DNA2: variants seen among roughly 807,000 people sequenced by gnomAD.
DNA2 encodes DNA replication ATP-dependent helicase/nuclease DNA2.
Under a neutral mutation model 119.1 loss-of-function variants are expected in DNA2, and 101 were observed. That is an observed-to-expected ratio of 0.85 (90% CI 0.72 to 1.00). The LOEUF (loss-of-function observed/expected upper bound fraction) is 1.00, where lower values mean the gene tolerates loss of function less well. Ranked by LOEUF, DNA2 falls within the 50% of genes least tolerant of loss-of-function variation. The pLI is 0.00. For synonymous variants in DNA2, 366 were observed against 424.4 expected, an observed-to-expected ratio of 0.86 and a Z score of 1.69; for missense variants, 1,121 against 1,255.5, an observed-to-expected ratio of 0.89 and a Z score of 1.62.
intron 19 of DNA2, among the ~76,000 whole-genome samples, chr10:68,417,256 G>C (rs2051601484): frequency 6.6e-6 from 1 of 151,398 alleles, no homozygotes; most frequent in African/African-American, 2.4e-5. Flanking sequence ...AAAAAAAGGA[G>C]ACTATCTGAG....
chr10:68,437,814 G>A (rs956200713), intron 9 of DNA2, among the ~76,000 whole-genome samples: 1 of 151,960 alleles, frequency 6.6e-6, no homozygotes, highest in Non-Finnish European at 1.5e-5. Context: ...CTGTTCAAGC[G>A]ATTCTCATGC....
intron 1 of DNA2, among the ~76,000 whole-genome samples, chr10:68,471,187 G>C (rs966457503): frequency 2.6e-5 from 4 of 152,096 alleles, no homozygotes; most frequent in Non-Finnish European, 4.4e-5. Flanking sequence ...TTTGTTACCT[G>C]ACCGTAGGTT....
chr10:68,418,572 A>T (rs1423793725), intron 19 of DNA2, among the ~76,000 whole-genome samples: 1 of 150,742 alleles, frequency 6.6e-6, no homozygotes, highest in East Asian at 1.9e-4. Flanking sequence ...CTGTTGACCC[A>T]TCCACCAGGT....
chr10:68,451,793 GT>G, intron 5 of DNA2, among the ~76,000 whole-genome samples: 1 of 148,684 alleles, frequency 6.7e-6, no homozygotes, highest in South Asian at 2.1e-4. Flanking sequence ...CTTTTGCCAT[GT>G]TGTCCTGGCT....
chr10:68,468,301 G>A lies in DNA2; in HGVS notation c.263C>T (p.Ser88Phe), dbSNP rs1315394617. Residue 88 changes from serine to phenylalanine, a missense_variant, in exon 3 of 21, where the codon TCT becomes TTT. Transcript: ENST00000358410. The part of the protein sequence containing the change: ...ELCILRNDWC[S>F]VPVEPGDIIH... ...GATATCTCCTGGCTCTACTGGAACAGAACACCTGAAAATAAAGCAAAGTTA... is the reference window on the plus strand; with the variant it reads ...GATATCTCCTGGCTCTACTGGAACAAAACACCTGAAAATAAAGCAAAGTTA... 7 of 1,567,332 alleles carry A rather than the reference G, an allele frequency of 4.5e-6. No individual in the cohort carries two copies. In the Admixed American group the frequency reaches 1.1e-4, roughly 25 times the overall value.
rs2052386541 is a variant in DNA2, at chr10:68,471,894, A to T, written c.-30T>A. ...GACGCGGGGATCGCAAACTGTAGACAGAAAAGACAGCGGAACCGGGGGTAA... is the reference window on the plus strand; with the variant it reads ...GACGCGGGGATCGCAAACTGTAGACTGAAAAGACAGCGGAACCGGGGGTAA... On this transcript the variant is annotated 5_prime_UTR_variant, in exon 1 of 21. Coordinates refer to ENST00000358410, the MANE Select transcript of DNA2 (RefSeq NM_001080449.3). The T allele has an allele frequency of 6.2e-7, 1 of 1,613,954 alleles. No individual in the cohort carries two copies.
chr10:68,426,877 G>T (rs2051748933), intron 14 of DNA2, among the ~76,000 whole-genome samples: 1 of 152,030 alleles, frequency 6.6e-6, no homozygotes, highest in African/African-American at 2.4e-5. Context: ...ACTATCTTTT[G>T]TTCTGCATAA....
intron 7 of DNA2, 45 bp from the exon 8 acceptor site, chr10:68,445,128 T>G (rs778159658): frequency 2.7e-5 from 41 of 1,514,270 alleles, no homozygotes; most frequent in Non-Finnish European, 2.6e-5. Context: ...TAAATAAAGT[T>G]TATCATGTCT....
chr10:68,442,041 T>C (rs1389329656), intron 9 of DNA2, among the ~76,000 whole-genome samples: 1 of 150,994 alleles, frequency 6.6e-6, no homozygotes, highest in Non-Finnish European at 1.5e-5. Context: ...TCCTCCCACC[T>C]CATCCTGGGA....
chr10:68,445,418 G>A lies in DNA2; in HGVS notation c.1058-335C>T, dbSNP rs193159054. On this transcript the variant is annotated intron_variant, in intron 7 of 20. Transcript: ENST00000358410. ...GCGGAGATTGCAGGGAGCTGAGATC[G>A]CATCATTGCACTCCAGCCTGGGTAA... Among the ~76,000 whole-genome samples, 247 of 152,156 alleles carry A rather than the reference G, an allele frequency of 1.6e-3. 2 individuals carry two copies. The highest frequency in any genetic ancestry group is 0.014 in the Admixed American group (210 of 15,260).
intron 16 of DNA2, 27 bp downstream of exon 16, chr10:68,422,488 A>G: frequency 6.2e-7 from 1 of 1,612,672 alleles, no homozygotes; most frequent in South Asian, 1.1e-5. Context: ...CATGAAAACC[A>G]CTCCTAGCTA....
chr10:68,464,836 A>G (rs1178247070), intron 4 of DNA2, among the ~76,000 whole-genome samples: 2 of 109,212 alleles, frequency 1.8e-5, no homozygotes, highest in Non-Finnish European at 3.8e-5. Flanking sequence ...CCTCAAAAAA[A>G]AAAAAAAAAA....
At position 68,419,112 on chromosome 10, in the gene DNA2, A is replaced by G. The variant is rs1292192907; in HGVS notation, c.2889T>C (p.Val963=). The G allele has an allele frequency of 2.5e-6, 4 of 1,613,376 alleles. No homozygotes were observed. In the East Asian group the frequency reaches 8.9e-5, roughly 36 times the overall value. ...TTCCTTGGTATTTGTCTACTGTATT[A>G]ACTTCGACCATCCCAATAGAACGTG... ...LLARSIGMVE[V]NTVDKYQGRD... The change falls in exon 19 of 21, where the codon GTT becomes GTC. Residue 963 remains valine, a synonymous_variant. Coordinates refer to ENST00000358410, the MANE Select transcript of DNA2 (RefSeq NM_001080449.3).
At chr10:68,436,878 G>C in intron 10 of DNA2, 133 bp downstream of exon 10, 2 of 674,088 alleles carry the variant, frequency 3.0e-6, no homozygotes, top group South Asian at 4.2e-5. Context: ...ACTCAAAGTT[G>C]ATTGTGGTGA....
chr10:68,460,570 G>A (rs2052244252), intron 4 of DNA2, among the ~76,000 whole-genome samples: 1 of 150,396 alleles, frequency 6.6e-6, no homozygotes, highest in Non-Finnish European at 1.5e-5. Flanking sequence ...ACCACGCCCA[G>A]CTAATTTTTG....
chr10:68,423,350 G>A (rs1027372226), intron 14 of DNA2, among the ~76,000 whole-genome samples: 2 of 151,800 alleles, frequency 1.3e-5, no homozygotes, highest in Non-Finnish European at 2.9e-5. Context: ...AGGGAGCTCA[G>A]GACCAAAGAA....
At chr10:68,427,680 CAT>C (rs1264345033) in intron 14 of DNA2, among the ~76,000 whole-genome samples, 2 of 151,042 alleles carry the variant, frequency 1.3e-5, no homozygotes, top group Non-Finnish European at 2.9e-5. Flanking sequence ...CACACACACA[CAT>C]TTTAACTGGG....
intron 7 of DNA2, among the ~76,000 whole-genome samples, chr10:68,445,637 A>G (rs2052028903): frequency 6.6e-6 from 1 of 152,106 alleles, no homozygotes; most frequent in Non-Finnish European, 1.5e-5. Context: ...TTCACTTGAT[A>G]AATTCTTTAA....
rs764207342 is a variant in DNA2, at chr10:68,432,379, C to T, written c.1763+15G>A. On this transcript the variant is annotated intron_variant, in intron 11 of 20. Coordinates refer to ENST00000358410, the MANE Select transcript of DNA2 (RefSeq NM_001080449.3). ...AAAAGTGGAGTGAAATTCAAATTTG[C>T]TCATTGTTACAAACCTGACAAACGT... 11 of 1,570,902 alleles carry T rather than the reference C, an allele frequency of 7.0e-6. No individual in the cohort carries two copies. The highest frequency in any genetic ancestry group is 1.8e-5 in the Admixed American group (1 of 55,002).
Sources: gnomAD v4.1 joint callset for allele counts (sites outside exome capture counted in the v4.1 genomes callset) on GRCh38, gnomAD v4.1.1 for gene constraint, MANE v1.5 for transcripts, NCBI Gene and HGNC (gene_info 2026-07-23, HGNC 2026-07-21) for gene names.